SLC24A2: variants seen among roughly 807,000 people sequenced by gnomAD.
SLC24A2 encodes sodium/potassium/calcium exchanger 2.
In SLC24A2, 36 loss-of-function variants were observed where a neutral mutation model predicts 62.0. That is an observed-to-expected ratio of 0.58 (90% CI 0.44 to 0.77). The LOEUF (loss-of-function observed/expected upper bound fraction) is 0.77. SLC24A2 is among the 30% of genes least tolerant of loss of function. SLC24A2 has a pLI of 0.00. For synonymous variants in SLC24A2, 358 were observed against 294.0 expected (o/e 1.22, Z -2.23); for missense variants, 846 against 817.9 (o/e 1.03, Z -0.42).
chr9:19,997,030 G>C, the SLC24A2 span, among the ~76,000 whole-genome samples: 2 of 151,664 alleles, frequency 1.3e-5, no homozygotes, highest in Non-Finnish European at 2.9e-5. Context: ...GCAGGCAAAA[G>C]ATGGTGAAAA....
the SLC24A2 span, among the ~76,000 whole-genome samples, chr9:20,248,831 C>T: frequency 6.6e-6 from 1 of 152,196 alleles, no homozygotes; most frequent in African/African-American, 2.4e-5. Flanking sequence ...TCCGGGGCAC[C>T]CACATGGCAG....
At chr9:19,694,860 C>T (rs1045958578) in intron 2 of SLC24A2, among the ~76,000 whole-genome samples, 2 of 152,140 alleles carry the variant, frequency 1.3e-5, no homozygotes, top group African/African-American at 4.8e-5. Flanking sequence ...GCAAGCATGG[C>T]ATACAGAGTG....
chr9:20,039,278 C>A, the SLC24A2 span, among the ~76,000 whole-genome samples: 1 of 152,064 alleles, frequency 6.6e-6, no homozygotes, highest in East Asian at 1.9e-4. Context: ...TGTCTAGAGC[C>A]ACCCTGGGCC....
At chr9:20,074,607 A>AAGGG in the SLC24A2 span, among the ~76,000 whole-genome samples, 2,104 of 69,136 alleles carry the variant, frequency 0.03, 99 homozygotes, top group East Asian at 0.067. Context: ...GGAAGGAAAG[A>AAGGG]AGGGAGTGAG....
the SLC24A2 span, among the ~76,000 whole-genome samples, chr9:20,068,601 G>A: frequency 1.3e-5 from 2 of 152,134 alleles, no homozygotes; most frequent in African/African-American, 2.4e-5. Flanking sequence ...ATGTTTTGGG[G>A]ATGCTTATAT....
In SLC24A2 at chr9:19,587,262, G is replaced by C. The variant is rs114108972; in HGVS notation, c.1129+9967C>G. ...ATCAAACAAAATAATTCTTTCTTTTGAGGAACCTATATATTACCCAATCAT... is the reference window on the plus strand; with the variant it reads ...ATCAAACAAAATAATTCTTTCTTTTCAGGAACCTATATATTACCCAATCAT... On this transcript the variant is annotated intron_variant, in intron 5 of 10. Coordinates refer to ENST00000341998, the MANE Select transcript of SLC24A2 (RefSeq NM_020344.4). 2.9e-3 allele frequency among the ~76,000 whole-genome samples: 436 copies of C among 152,242 alleles called. 4 individuals are homozygous for C. The highest frequency in any genetic ancestry group is 0.01 in the African/African-American group (424 of 41,542).
At chr9:20,278,622 G>A in the SLC24A2 span, among the ~76,000 whole-genome samples, 3 of 152,146 alleles carry the variant, frequency 2.0e-5, no homozygotes, top group Non-Finnish European at 4.4e-5. Flanking sequence ...ATCACTATCA[G>A]CATTTTGGTC....
chr9:20,161,312 CGA>C, the SLC24A2 span, among the ~76,000 whole-genome samples: 2 of 151,196 alleles, frequency 1.3e-5, no homozygotes, highest in African/African-American at 4.8e-5. Flanking sequence ...TCTTTAAAGA[CGA>C]GATAATCCCA....
intron 7 of SLC24A2, among the ~76,000 whole-genome samples, chr9:19,566,461 A>T (rs1265220874): frequency 6.7e-6 from 1 of 150,112 alleles, no homozygotes; most frequent in Non-Finnish European, 1.5e-5. Context: ...GTCAGGAAAC[A>T]ACAGGTGCTG....
the SLC24A2 span, among the ~76,000 whole-genome samples, chr9:19,934,918 CA>C: frequency 6.6e-6 from 1 of 151,980 alleles, no homozygotes; most frequent in Non-Finnish European, 1.5e-5. This position sits in a 1 kb window ranked among gnomAD's most constrained non-coding sequence, Gnocchi z 4.1. Context: ...GGAGAGCTGG[CA>C]GGGGTCTCAT....
At chr9:19,871,907 G>A in the SLC24A2 span, among the ~76,000 whole-genome samples, 21 of 152,216 alleles carry the variant, frequency 1.4e-4, no homozygotes, top group Non-Finnish European at 2.6e-4. Context: ...ACTACTTACA[G>A]TTAAAGAACA....
At chr9:19,617,393 T>A (rs1387513345) in intron 4 of SLC24A2, among the ~76,000 whole-genome samples, 3 of 152,150 alleles carry the variant, frequency 2.0e-5, no homozygotes, top group Non-Finnish European at 4.4e-5. Context: ...CCATCTAACA[T>A]GTTTGAATTG....
chr9:20,273,273 G>A, the SLC24A2 span, among the ~76,000 whole-genome samples: 2 of 152,148 alleles, frequency 1.3e-5, no homozygotes, highest in Non-Finnish European at 2.9e-5. Context: ...TTTCTGACCT[G>A]CTTCCCCTGA....
chr9:20,191,468 C>A, the SLC24A2 span, among the ~76,000 whole-genome samples: 1 of 151,876 alleles, frequency 6.6e-6, no homozygotes, highest in South Asian at 2.1e-4. Flanking sequence ...AGGTGAGTGC[C>A]TAAGACCAGA....
intron 7 of SLC24A2, among the ~76,000 whole-genome samples, chr9:19,554,061 G>T (rs540316795): frequency 1.1e-4 from 16 of 152,244 alleles, no homozygotes; most frequent in African/African-American, 3.9e-4. Flanking sequence ...TTAAAACAAG[G>T]CCACTAGTGT....
At chr9:19,977,689 T>G in the SLC24A2 span, among the ~76,000 whole-genome samples, 1 of 152,182 alleles carries the variant, frequency 6.6e-6, no homozygotes, top group Non-Finnish European at 1.5e-5. Context: ...GCAGGAACAA[T>G]TTGAAGGCAA....
intron 2 of SLC24A2, among the ~76,000 whole-genome samples, chr9:19,774,557 C>T (rs1822788080): frequency 6.6e-6 from 1 of 152,068 alleles, no homozygotes; most frequent in Admixed American, 6.6e-5. Flanking sequence ...AAAAGAAAAC[C>T]ACCTCAGCCT....
the SLC24A2 span, among the ~76,000 whole-genome samples, chr9:20,016,869 T>G: frequency 6.6e-6 from 1 of 152,114 alleles, no homozygotes; most frequent in African/African-American, 2.4e-5. Flanking sequence ...TCAGGAGAGA[T>G]AAAAGAGGGC....
the SLC24A2 span, among the ~76,000 whole-genome samples, chr9:20,174,159 A>G: frequency 5.3e-5 from 8 of 152,088 alleles, no homozygotes. Context: ...TAGGAGAATG[A>G]AACTAGATCC....
Sources: allele counts gnomAD v4.1 joint callset (sites outside exome capture counted in the v4.1 genomes callset), GRCh38; gene constraint gnomAD v4.1.1; non-coding constraint Gnocchi (gnomAD v3.1); transcripts MANE v1.5; gene names NCBI Gene and HGNC (gene_info 2026-07-23, HGNC 2026-07-21).